The following KCNU1 variants were observed in gnomAD, a reference collection of about 807,000 sequenced individuals.
KCNU1 encodes potassium channel subfamily U member 1.
In KCNU1, 93 loss-of-function variants were observed where a neutral mutation model predicts 126.8. The ratio of observed to expected loss-of-function variants is 0.73; its 90% CI spans 0.62 to 0.87. The LOEUF (loss-of-function observed/expected upper bound fraction) is 0.87, where lower values mean the gene tolerates loss of function less well. Ranked by LOEUF, KCNU1 falls within the 40% of genes least tolerant of loss-of-function variation. The probability of loss-of-function intolerance (pLI) is 0.00; values close to 1 mark genes in which losing one functional copy is unlikely to be tolerated. For missense variants in KCNU1, 1,330 were observed against 1,367.1 expected (o/e 0.97, Z 0.43); for synonymous variants, 523 against 494.2 (o/e 1.06, Z -0.77).
rs1414545798 is a variant in KCNU1 at position 36,933,456 on chromosome 8, T to C, written c.3044+424T>C. 7.2e-5 allele frequency among the ~76,000 whole-genome samples: 11 copies of C among 152,282 alleles called. 1 individual carries two copies. The South Asian group carries it at 1.4e-3, about 20-fold the overall frequency. On this transcript the variant is annotated intron_variant, in intron 26 of 26. Transcript: ENST00000399881. The stretch of plus-strand genomic sequence containing the variant: ...AGACCTACTTTGCTAGCCATGGTGC[T>C]TTTTACATATAAATCATGGGGGTGA...
At chr8:36,883,350 T>C (rs927331651) in intron 19 of KCNU1, among the ~76,000 whole-genome samples, 1 of 152,216 alleles carries the variant, frequency 6.6e-6, no homozygotes, top group African/African-American at 2.4e-5. Flanking sequence ...AAATCCCCTA[T>C]CTGTGAAATT....
intron 10 of KCNU1, among the ~76,000 whole-genome samples, chr8:36,819,608 T>C (rs1804047892): frequency 5.9e-5 from 9 of 152,196 alleles, no homozygotes; most frequent in Admixed American, 5.9e-4. Context: ...TTGTTCTTTG[T>C]GCTCCAAAGC....
chr8:36,883,385 C>T (rs1806565523), intron 19 of KCNU1, among the ~76,000 whole-genome samples: 1 of 152,174 alleles, frequency 6.6e-6, no homozygotes, highest in Admixed American at 6.5e-5. Flanking sequence ...ACATAATCAT[C>T]TAAGCTTTGA....
At chr8:36,838,218 G>A (rs144147733) in intron 14 of KCNU1, among the ~76,000 whole-genome samples, 3 of 152,252 alleles carry the variant, frequency 2.0e-5, no homozygotes, top group East Asian at 3.9e-4. Context: ...TCATTGTGTT[G>A]TATATTTAGA....
intron 22 of KCNU1, among the ~76,000 whole-genome samples, chr8:36,911,557 C>CTGA: frequency 6.6e-6 from 1 of 152,028 alleles, no homozygotes; most frequent in Non-Finnish European, 1.5e-5. Flanking sequence ...GAGAATGAAC[C>CTGA]ATGATTCTCT....
chr8:36,920,876 T>C (rs1261413095), intron 23 of KCNU1, among the ~76,000 whole-genome samples: 3 of 152,220 alleles, frequency 2.0e-5, no homozygotes, highest in African/African-American at 4.8e-5. Context: ...GATTCATTAA[T>C]ATCACTTCAT....
At chr8:36,865,773 C>CAAAAAAAAA (rs538090899) in intron 19 of KCNU1, among the ~76,000 whole-genome samples, 1 of 61,386 alleles carries the variant, frequency 1.6e-5, no homozygotes, top group Non-Finnish European at 2.7e-5. Context: ...AAGAGCTTGT[C>CAAAAAAAAA]AAAAAAAAAA....
At chr8:36,850,362 T>A (rs1805296692) in intron 18 of KCNU1, among the ~76,000 whole-genome samples, 2 of 152,220 alleles carry the variant, frequency 1.3e-5, no homozygotes, top group Non-Finnish European at 2.9e-5. Flanking sequence ...TTGTGCAATA[T>A]CTAAGAAGGT....
chr8:36,805,868 T>C (rs948851211), intron 4 of KCNU1, among the ~76,000 whole-genome samples: 1 of 152,108 alleles, frequency 6.6e-6, no homozygotes, highest in Non-Finnish European at 1.5e-5. Context: ...TTTTTAGACA[T>C]GGTCTTGCTT....
chr8:36,839,159 A>G (rs1303023231), intron 14 of KCNU1, among the ~76,000 whole-genome samples: 4 of 152,132 alleles, frequency 2.6e-5, no homozygotes, highest in African/African-American at 9.7e-5. Context: ...AATTATATTG[A>G]TCATATTGTG....
At chr8:36,814,490 G>A (rs1803838457) in intron 8 of KCNU1, 113 bp downstream of exon 8, 2 of 766,502 alleles carry the variant, frequency 2.6e-6, no homozygotes, top group Non-Finnish European at 4.3e-6. Context: ...ATTACTTGGG[G>A]CACATGTCAA....
intron 1 of KCNU1, among the ~76,000 whole-genome samples, chr8:36,786,741 A>T (rs1802724049): frequency 6.6e-6 from 1 of 152,196 alleles, no homozygotes; most frequent in African/African-American, 2.4e-5. Flanking sequence ...GCCTAACTTT[A>T]TCATATGAGA....
chr8:36,931,414 C>T (rs994233269), intron 25 of KCNU1, among the ~76,000 whole-genome samples: 7 of 152,098 alleles, frequency 4.6e-5, no homozygotes, highest in African/African-American at 1.7e-4. Flanking sequence ...TAACCTGAAT[C>T]TACAGGGAGC....
At chr8:36,824,022 A>G (rs1804226523) in intron 10 of KCNU1, among the ~76,000 whole-genome samples, 2 of 152,084 alleles carry the variant, frequency 1.3e-5, no homozygotes, top group South Asian at 4.1e-4. Flanking sequence ...TTTTTAGTAC[A>G]GATAGAATAT....
intron 16 of KCNU1, among the ~76,000 whole-genome samples, chr8:36,843,464 G>T (rs1805029048): frequency 1.3e-5 from 2 of 152,196 alleles, no homozygotes; most frequent in South Asian, 4.1e-4. Context: ...TCACAACAGT[G>T]CTGTGAGATA....
At chr8:36,934,628 G>A (rs1808800604) in intron 26 of KCNU1, among the ~76,000 whole-genome samples, 2 of 152,140 alleles carry the variant, frequency 1.3e-5, no homozygotes, top group South Asian at 4.1e-4. Flanking sequence ...TTTAAAAATA[G>A]AATTGAGGCT....
chr8:36,804,249 C>T (rs1026996851), intron 3 of KCNU1, among the ~76,000 whole-genome samples, 161 bp downstream of exon 3: 4 of 152,220 alleles, frequency 2.6e-5, no homozygotes, highest in Non-Finnish European at 5.9e-5. Flanking sequence ...TCCCAGTAAG[C>T]ACTAAGCCCA....
intron 25 of KCNU1, among the ~76,000 whole-genome samples, chr8:36,932,452 G>T (rs528991992): frequency 2.0e-5 from 3 of 152,156 alleles, no homozygotes; most frequent in Admixed American, 6.5e-5. Context: ...TGAAATTGTT[G>T]TCTATTCATA....
intron 19 of KCNU1, among the ~76,000 whole-genome samples, chr8:36,876,302 A>G (rs1014768846): frequency 1.2e-4 from 19 of 152,296 alleles, no homozygotes; most frequent in Non-Finnish European, 2.2e-4. Context: ...ATTGGGAAAG[A>G]TTTGGGTGAA....
Sources: allele counts gnomAD v4.1 joint callset (sites outside exome capture counted in the v4.1 genomes callset), GRCh38; gene constraint gnomAD v4.1.1; transcripts MANE v1.5; gene names NCBI Gene and HGNC (gene_info 2026-07-23, HGNC 2026-07-21).